The following RASGRF2 variants were observed in gnomAD, a reference collection of about 807,000 sequenced individuals.
The protein encoded by RASGRF2 is ras-specific guanine nucleotide-releasing factor 2.
A neutral mutation model predicts 151.0 loss-of-function variants in RASGRF2; 76 were observed. That is an observed-to-expected ratio of 0.50 (90% CI 0.42 to 0.61). The LOEUF (loss-of-function observed/expected upper bound fraction) is 0.61. Among genes scored for constraint, RASGRF2 ranks in the 20% least tolerant of loss-of-function variants. The probability of loss-of-function intolerance (pLI) is 0.00; values close to 1 mark genes in which losing one functional copy is unlikely to be tolerated. For synonymous variants in RASGRF2, 504 were observed against 566.5 expected (o/e 0.89, Z 1.57); for missense variants, 1,148 against 1,564.6 (o/e 0.73, Z 4.49).
chr5:81,018,133 G>GA (rs1057193111), intron 1 of RASGRF2, among the ~76,000 whole-genome samples: 6 of 151,554 alleles, frequency 4.0e-5, no homozygotes, highest in Middle Eastern at 6.8e-3. Flanking sequence ...AAGAAAGAAA[G>GA]AAAAAACAGA....
At chr5:80,961,096 G>T in intron 1 of RASGRF2, 70 bp downstream of exon 1, 3 of 1,378,146 alleles carry the variant, frequency 2.2e-6, no homozygotes, top group Non-Finnish European at 2.8e-6. Flanking sequence ...CTAATCCGGG[G>T]ATCAGGGGTC....
At position 81,196,276 on chromosome 5, in the gene RASGRF2, A is replaced by C. The variant is rs1303149499; in HGVS notation, c.2794-5054A>C. Among the ~76,000 whole-genome samples, 8 of 152,278 alleles carry C rather than the reference A, an allele frequency of 5.3e-5. No homozygotes were observed. The East Asian group carries it at 1.5e-3, about 29-fold the overall frequency. ...GTCTCAAAAACAAACAAATAACAAC[A>C]AAAAATTATATACTAAAGGTCACTT... On this transcript the variant is annotated intron_variant, in intron 18 of 26. Coordinates refer to ENST00000265080, the MANE Select transcript of RASGRF2 (RefSeq NM_006909.3).
chr5:81,191,083 A>G (rs1190028030), intron 18 of RASGRF2, among the ~76,000 whole-genome samples: 3 of 152,200 alleles, frequency 2.0e-5, no homozygotes, highest in African/African-American at 7.2e-5. Context: ...AGCATGGGGA[A>G]CAATGATCCT....
At chr5:81,073,062 C>A in intron 4 of RASGRF2, 137 bp from the exon 5 acceptor site, 1 of 1,088,036 alleles carries the variant, frequency 9.2e-7, no homozygotes, top group Non-Finnish European at 1.3e-6. Flanking sequence ...TTCACATCAT[C>A]CCTAGGGAAT....
chr5:80,967,420 A>G (rs1001736611), intron 1 of RASGRF2, among the ~76,000 whole-genome samples: 2 of 152,142 alleles, frequency 1.3e-5, no homozygotes, highest in African/African-American at 2.4e-5. Flanking sequence ...AATAAAAATA[A>G]AATAAAATTT....
At chr5:81,179,321 T>TA (rs1462754692) in intron 17 of RASGRF2, among the ~76,000 whole-genome samples, 1 of 152,206 alleles carries the variant, frequency 6.6e-6, no homozygotes, top group Non-Finnish European at 1.5e-5. Flanking sequence ...GTTTAGCATG[T>TA]ATTAAAAGTC....
intron 17 of RASGRF2, among the ~76,000 whole-genome samples, chr5:81,169,859 G>A (rs1445674578): frequency 7.1e-6 from 1 of 141,462 alleles, no homozygotes; most frequent in Non-Finnish European, 1.5e-5. Flanking sequence ...TGCACCACCT[G>A]TATCACCCAT....
chr5:81,163,479 A>C (rs909030946), intron 17 of RASGRF2, among the ~76,000 whole-genome samples: 3 of 152,164 alleles, frequency 2.0e-5, no homozygotes, highest in African/African-American at 7.2e-5. Flanking sequence ...TAAGTGAAAT[A>C]GCCAAATAGG....
intron 17 of RASGRF2, among the ~76,000 whole-genome samples, chr5:81,177,191 T>G (rs1020213613): frequency 1.3e-5 from 2 of 152,204 alleles, no homozygotes; most frequent in African/African-American, 4.8e-5. Context: ...CTTACTTTCT[T>G]GAGAACTCAG....
chr5:80,977,546 T>G (rs1238910996), intron 1 of RASGRF2, among the ~76,000 whole-genome samples: 3 of 152,144 alleles, frequency 2.0e-5, no homozygotes, highest in Non-Finnish European at 4.4e-5. Context: ...CACTGCGACC[T>G]CCATCTCCTG....
At chr5:81,062,565 C>T (rs998778477) in intron 2 of RASGRF2, among the ~76,000 whole-genome samples, 4 of 151,966 alleles carry the variant, frequency 2.6e-5, no homozygotes, top group Middle Eastern at 6.8e-3. Flanking sequence ...CTAAATTGTT[C>T]CTCTGTGTTT....
intron 17 of RASGRF2, among the ~76,000 whole-genome samples, chr5:81,141,434 C>T (rs974845926): frequency 2.0e-5 from 3 of 152,124 alleles, no homozygotes; most frequent in East Asian, 1.9e-4. Context: ...CTTCATCTCA[C>T]GTTATAGATT....
At chr5:80,991,014 G>A (rs1748631480) in intron 1 of RASGRF2, among the ~76,000 whole-genome samples, 1 of 152,284 alleles carries the variant, frequency 6.6e-6, no homozygotes, top group Non-Finnish European at 1.5e-5. Flanking sequence ...CACTGTAGAT[G>A]TCTGGGACCC....
rs535909112 is a variant in RASGRF2 at position 81,217,835 on chromosome 5, C to T, written c.3552+362C>T. Among the ~76,000 whole-genome samples the T allele has an allele frequency of 4.9e-3, 742 of 151,772 alleles. 4 individuals carry two copies. The highest frequency in any genetic ancestry group is 8.1e-3 in the Non-Finnish European group (553 of 67,868). On this transcript the variant is annotated intron_variant, in intron 25 of 26. Transcript: ENST00000265080. ...TCGGCTCACTGCAAGCTCCGCCTCC[C>T]GGGTTCACGCCATTCTCCTGCCTCA...
At chr5:81,009,175 T>C (rs1172897901) in intron 1 of RASGRF2, among the ~76,000 whole-genome samples, 3 of 152,234 alleles carry the variant, frequency 2.0e-5, no homozygotes. Flanking sequence ...TATGGGCTCA[T>C]GACGAGAACT....
At chr5:81,004,607 T>C (rs1749203221) in intron 1 of RASGRF2, among the ~76,000 whole-genome samples, 1 of 152,218 alleles carries the variant, frequency 6.6e-6, no homozygotes, top group Non-Finnish European at 1.5e-5. Context: ...ATTTCTTGCA[T>C]CTTAATAATG....
At chr5:81,019,896 G>A (rs1171239182) in intron 1 of RASGRF2, among the ~76,000 whole-genome samples, 2 of 152,164 alleles carry the variant, frequency 1.3e-5, no homozygotes, top group African/African-American at 4.8e-5. Flanking sequence ...AGGGGAAGTG[G>A]CCTGGCAATA....
At position 81,222,338 on chromosome 5, in the gene RASGRF2, T is replaced by C. The variant is rs199791450; in HGVS notation, c.3621+2560T>C. On this transcript the variant is annotated intron_variant, in intron 26 of 26. Transcript: ENST00000265080. Reference sequence around the variant, plus strand: ...TATCTGTAAATTCCCTCTCCAACAGTGAGAGACACACTTTCTTTTAATAGC... The same window carrying C: ...TATCTGTAAATTCCCTCTCCAACAGCGAGAGACACACTTTCTTTTAATAGC... Among the ~76,000 whole-genome samples, 12 of 152,318 alleles carry C rather than the reference T, an allele frequency of 7.9e-5. No homozygotes were observed. The East Asian group carries it at 2.1e-3, about 27-fold the overall frequency.
chr5:81,058,640 C>T (rs935969097), intron 2 of RASGRF2, among the ~76,000 whole-genome samples: 4 of 151,830 alleles, frequency 2.6e-5, no homozygotes, highest in African/African-American at 9.7e-5. Context: ...CCTCATCTTA[C>T]GAAACACAAA....
Sources: gnomAD v4.1 joint callset for allele counts (sites outside exome capture counted in the v4.1 genomes callset) on GRCh38, gnomAD v4.1.1 for gene constraint, MANE v1.5 for transcripts, NCBI Gene and HGNC (gene_info 2026-07-23, HGNC 2026-07-21) for gene names.